The following OR13C9 variants were observed in gnomAD, a reference collection of about 807,000 sequenced individuals.
The protein encoded by OR13C9 is olfactory receptor family 13 subfamily C member 9, also known as olfactory receptor 13C9.
For synonymous variants in OR13C9, 133 were observed against 134.9 expected, an observed-to-expected ratio of 0.99 and a Z score of 0.10; for missense variants, 368 against 382.2, an observed-to-expected ratio of 0.96 and a Z score of 0.31.
At position 104,617,338 on chromosome 9, in the gene OR13C9, G is replaced by A; in HGVS notation, c.867C>T (p.Pro289=). ...GACTGTAGATTAAAGGATTCATCAT[G>A]GGAGTCATCACCCCATAGAACATGG... ...IISMFYGVMT[P]MMNPLIYSLR... Residue 289 remains proline (P), a synonymous_variant, in exon 1 of 1, where the codon CCC becomes CCT. Coordinates refer to ENST00000259362, the MANE Select transcript of OR13C9 (RefSeq NM_001001956.1). The A allele has an allele frequency of 6.2e-7, 1 of 1,613,772 alleles. No individual in the cohort carries two copies.
chr9:104,617,518 G>T lies in OR13C9; in HGVS notation c.687C>A (p.His229Gln). The change falls in exon 1 of 1, where the codon CAC (histidine) becomes CAA (glutamine). Residue 229 changes from histidine to glutamine, a missense_variant. Coordinates refer to ENST00000259362, the MANE Select transcript of OR13C9 (RefSeq NM_001001956.1). Reference protein sequence around the residue: ...SLIISSILKIHSSEGRSKAFS... With the variant: ...SLIISSILKIQSSEGRSKAFS... ...AAGCTTTGCTTCTCCCCTCAGAGGA[G>T]TGAATCTTGAGGATGCTGGAAATGA... The T allele has an allele frequency of 6.2e-7, 1 of 1,613,812 alleles. No homozygotes were observed. Among genetic ancestry groups the T allele is most frequent in the Non-Finnish European group, 8.5e-7 (1 of 1,179,886 alleles).
At position 104,617,377 on chromosome 9, in the gene OR13C9, G is replaced by T. The variant is rs200227242; in HGVS notation, c.828C>A (p.Thr276=). 1.2e-6 allele frequency: 2 copies of T among 1,613,748 alleles called. No individual in the cohort carries two copies. Among genetic ancestry groups the T allele is most frequent in the East Asian group, 2.2e-5 (1 of 44,880 alleles). ...CATAGAACATGGATATAATTTTGTC[G>T]GTAGCATCCAAGTCATCTGAATTAA... ...ETLNSDDLDA[T]DKIISMFYGV... is the part of the protein sequence containing the mutation. The change falls in exon 1 of 1, where the codon ACC becomes ACA. Residue 276 remains threonine, a synonymous_variant. Transcript: ENST00000259362.
Position 104,617,640 on chromosome 9 carries a change from A to G in OR13C9, c.565T>C (p.Cys189Arg). ...AACTCATTGCCTGAGATGTCAGCAC[A>G]GGCCAACTTCATGACAGCTAGAATT... is the stretch of plus-strand genomic sequence containing the variant. ...CEILAVMKLACADISGNEFLM... is the reference protein window; with the variant it reads ...CEILAVMKLARADISGNEFLM... The change falls in exon 1 of 1, where the codon TGT becomes CGT. Residue 189 changes from cysteine (C) to arginine (R), a missense_variant. By Grantham distance (180) the Cys-to-Arg change is radical. Coordinates refer to ENST00000259362, the MANE Select transcript of OR13C9 (RefSeq NM_001001956.1). 6.2e-7 allele frequency: 1 copy of G among 1,613,998 alleles called. No homozygotes were observed. Among genetic ancestry groups the G allele is most frequent in the Non-Finnish European group, 8.5e-7 (1 of 1,179,984 alleles).
Position 104,617,387 on chromosome 9 carries a change from A to G in OR13C9, c.818T>C (p.Leu273Ser). Residue 273 changes from leucine to serine, a missense_variant, in exon 1 of 1, where the codon TTG (leucine) becomes TCG (serine). Coordinates refer to ENST00000259362, the MANE Select transcript of OR13C9 (RefSeq NM_001001956.1). ...GGATATAATTTTGTCGGTAGCATCCAAGTCATCTGAATTAAGTGTCTCTTT... is the reference window on the plus strand; with the variant it reads ...GGATATAATTTTGTCGGTAGCATCCGAGTCATCTGAATTAAGTGTCTCTTT... ...KSKETLNSDD[L>S]DATDKIISMF... The G allele has an allele frequency of 6.2e-7, 1 of 1,613,876 alleles. No homozygotes were observed. The highest frequency in any genetic ancestry group is 8.5e-7 in the Non-Finnish European group (1 of 1,179,904).
In OR13C9 at chr9:104,617,476, G is replaced by A; in HGVS notation, c.729C>T (p.Ala243=). The change falls in exon 1 of 1, where the codon GCC becomes GCT. Residue 243 remains alanine (A), a synonymous_variant. Coordinates refer to ENST00000259362, the MANE Select transcript of OR13C9 (RefSeq NM_001001956.1). The stretch of plus-strand genomic sequence containing the variant: ...AGAATATTATGACCACAGTCAGATG[G>A]GCTGAGCAGGTAGAGAAAGCTTTGC... ...GRSKAFSTCS[A]HLTVVIIFYG... The A allele has an allele frequency of 6.2e-7, 1 of 1,613,850 alleles. No homozygotes were observed.
Position 104,617,683 on chromosome 9 carries a change from G to A in OR13C9, c.522C>T (p.Ile174=). 6.2e-7 allele frequency: 1 copy of A among 1,613,948 alleles called. No individual in the cohort carries two copies. The highest frequency in any genetic ancestry group is 1.1e-5 in the South Asian group (1 of 91,082). The change falls in exon 1 of 1, where the codon ATC becomes ATT. Residue 174 remains isoleucine, a synonymous_variant. Transcript: ENST00000259362. ...CTAGAATTTCACATGAGAAATGATT[G>A]ATGACATTCTTCCTGCAGAAAGGCA... The part of the protein sequence containing the change: ...VQLPFCRKNV[I]NHFSCEILAV...
rs148060615 is a variant in OR13C9, at chr9:104,617,666, T to A, written c.539A>T (p.Glu180Val). The change falls in exon 1 of 1, where the codon GAA becomes GTA. Residue 180 changes from glutamate to valine, a missense_variant. By Grantham distance (121) the Glu-to-Val change is moderately radical. Transcript: ENST00000259362. ...RKNVINHFSC[E>V]ILAVMKLACA... Reference sequence around the variant, plus strand: ...GGCCAACTTCATGACAGCTAGAATTTCACATGAGAAATGATTGATGACATT... The same window carrying A: ...GGCCAACTTCATGACAGCTAGAATTACACATGAGAAATGATTGATGACATT... 4.0e-5 allele frequency: 65 copies of A among 1,613,758 alleles called. No homozygotes were observed. The highest frequency in any genetic ancestry group is 1.6e-4 in the Middle Eastern group (1 of 6,082).
At position 104,617,794 on chromosome 9, in the gene OR13C9, G is replaced by T; in HGVS notation, c.411C>A (p.Ser137Arg). Residue 137 changes from serine to arginine, a missense_variant, in exon 1 of 1, where the codon AGC becomes AGA. Physicochemically the swap from Ser to Arg is moderately radical, Grantham distance 110 (BLOSUM62 -1). Transcript: ENST00000259362. ...CAGCCATGGGTACATAGGCATTCTT[G>T]CTCATGATGATGGGATATCTCAGAG... ...CNPLRYPIIM[S>R]KNAYVPMAVG... The T allele has an allele frequency of 6.2e-7, 1 of 1,613,936 alleles. No individual in the cohort carries two copies. The highest frequency in any genetic ancestry group is 1.3e-5 in the African/African-American group (1 of 74,910).
At position 104,617,272 on chromosome 9, in the gene OR13C9, C is replaced by T. The variant is rs761736284; in HGVS notation, c.933G>A (p.Pro311=). The T allele has an allele frequency of 5.6e-5, 91 of 1,611,336 alleles. No individual in the cohort carries two copies. Among genetic ancestry groups the T allele is most frequent in the Non-Finnish European group, 7.0e-5 (83 of 1,178,610 alleles). Residue 311 remains proline, a synonymous_variant, in exon 1 of 1, where the codon CCG becomes CCA. Coordinates refer to ENST00000259362, the MANE Select transcript of OR13C9 (RefSeq NM_001001956.1). ...KDVKEAVKHL[P]NRRFFSK is the part of the protein sequence containing the mutation. Reference sequence around the variant, plus strand: ...TTCACTTGCTAAAGAACCTTCTGTTCGGTAGGTGTTTTACTGCCTCTTTCA... The same window carrying T: ...TTCACTTGCTAAAGAACCTTCTGTTTGGTAGGTGTTTTACTGCCTCTTTCA...
chr9:104,617,659 T>C lies in OR13C9; in HGVS notation c.546A>G (p.Leu182=). 1 of 1,613,960 alleles carries C rather than the reference T, an allele frequency of 6.2e-7. No homozygotes were observed. The highest frequency in any genetic ancestry group is 8.5e-7 in the Non-Finnish European group (1 of 1,179,966). ...NVINHFSCEI[L]AVMKLACADI... is the part of the protein sequence containing the mutation. ...CAGCACAGGCCAACTTCATGACAGC[T>C]AGAATTTCACATGAGAAATGATTGA... The change falls in exon 1 of 1, where the codon CTA becomes CTG. Residue 182 remains leucine (L), a synonymous_variant. Coordinates refer to ENST00000259362, the MANE Select transcript of OR13C9 (RefSeq NM_001001956.1).
Position 104,617,936 on chromosome 9 carries a change from T to A in OR13C9, c.269A>T (p.Lys90Met). 6.2e-7 allele frequency: 1 copy of A among 1,614,012 alleles called. No homozygotes were observed. ...STLVSFLSER[K>M]TISFSGCAVQ... ...TGCACAGCCAGAAAAGGAAATGGTC[T>A]TTCTTTCTGAAAGGAAGCTCACTAG... Residue 90 changes from lysine to methionine, a missense_variant, in exon 1 of 1, where the codon AAG (lysine) becomes ATG (methionine). By Grantham distance (95) the Lys-to-Met change is moderately conservative. Transcript: ENST00000259362.
chr9:104,617,524 C>A lies in OR13C9; in HGVS notation c.681G>T (p.Lys227Asn). ...TGCTTCTCCCCTCAGAGGAGTGAAT[C>A]TTGAGGATGCTGGAAATGATTAATG... is the stretch of plus-strand genomic sequence containing the variant. ...SYSLIISSIL[K>N]IHSSEGRSKA... Residue 227 changes from lysine (K) to asparagine (N), a missense_variant, in exon 1 of 1, where the codon AAG (lysine) becomes AAT (asparagine). Physicochemically the swap from Lys to Asn is moderately conservative, Grantham distance 94. Transcript: ENST00000259362. The A allele has an allele frequency of 6.2e-7, 1 of 1,613,700 alleles. No homozygotes were observed. Among genetic ancestry groups the A allele is most frequent in the Non-Finnish European group, 8.5e-7 (1 of 1,179,874 alleles).
rs1233296931 is a variant in OR13C9 at position 104,617,960 on chromosome 9, A to T, written c.245T>A (p.Leu82Gln). The change falls in exon 1 of 1, where the codon CTA (leucine) becomes CAA (glutamine). Residue 82 changes from leucine (L) to glutamine (Q), a missense_variant. Leu to Gln is a moderately radical substitution (Grantham distance 113). Transcript: ENST00000259362. The stretch of plus-strand genomic sequence containing the variant: ...CTTTCTTTCTGAAAGGAAGCTCACT[A>T]GTGTGGAGGGAATAGAGGTGGTGGT... ...CYTTTSIPST[L>Q]VSFLSERKTI... 6.2e-7 allele frequency: 1 copy of T among 1,614,038 alleles called. No individual in the cohort carries two copies.
rs751214327 is a variant in OR13C9 at position 104,617,533 on chromosome 9, G to T, written c.672C>A (p.Ser224Arg). 6.2e-7 allele frequency: 1 copy of T among 1,613,678 alleles called. No individual in the cohort carries two copies. The highest frequency in any genetic ancestry group is 1.7e-5 in the Admixed American group (1 of 59,888). ...CCTCAGAGGAGTGAATCTTGAGGAT[G>T]CTGGAAATGATTAATGAGTAAGAGA... Reference protein sequence around the residue: ...IVISYSLIISSILKIHSSEGR... With the variant: ...IVISYSLIISRILKIHSSEGR... The change falls in exon 1 of 1, where the codon AGC (serine) becomes AGA (arginine). Residue 224 changes from serine (S) to arginine (R), a missense_variant. Coordinates refer to ENST00000259362, the MANE Select transcript of OR13C9 (RefSeq NM_001001956.1).
rs1440070950 is a variant in OR13C9 at position 104,618,178 on chromosome 9, C to A, written c.27G>T (p.Leu9=). The A allele has an allele frequency of 6.2e-7, 1 of 1,613,122 alleles. No individual in the cohort carries two copies. Among genetic ancestry groups the A allele is most frequent in the African/African-American group, 1.3e-5 (1 of 74,830 alleles). MEWENQTI[L]VEFFLKGHSV... is the part of the protein sequence containing the mutation. ...AATGTCCCTTCAGAAAAAATTCCAC[C>A]AGAATGGTTTGGTTTTCCCATTCCA... The change falls in exon 1 of 1, where the codon CTG becomes CTT. Residue 9 remains leucine (L), a synonymous_variant. Coordinates refer to ENST00000259362, the MANE Select transcript of OR13C9 (RefSeq NM_001001956.1).
Position 104,617,320 on chromosome 9 carries a change from G to C in OR13C9, c.885C>G (p.Ile295Met). 6.2e-7 allele frequency: 1 copy of C among 1,613,690 alleles called. No individual in the cohort carries two copies. Among genetic ancestry groups the C allele is most frequent in the Non-Finnish European group, 8.5e-7 (1 of 1,179,796 alleles). ...TCACATCCTTGTTTCTAAGACTGTAGATTAAAGGATTCATCATGGGAGTCA... is the reference window on the plus strand; with the variant it reads ...TCACATCCTTGTTTCTAAGACTGTACATTAAAGGATTCATCATGGGAGTCA... The part of the protein sequence containing the change: ...GVMTPMMNPL[I>M]YSLRNKDVKE... Residue 295 changes from isoleucine (I) to methionine (M), a missense_variant, in exon 1 of 1, where the codon ATC becomes ATG. By Grantham distance (10) the Ile-to-Met change is conservative. Transcript: ENST00000259362.
In OR13C9 at chr9:104,617,409, C is replaced by T; in HGVS notation, c.796G>A (p.Glu266Lys). Residue 266 changes from glutamate to lysine, a missense_variant, in exon 1 of 1, where the codon GAG becomes AAG. Transcript: ENST00000259362. ...LFMYMKPKSK[E>K]TLNSDDLDAT... ...TCCAAGTCATCTGAATTAAGTGTCT[C>T]TTTAGACTTGGGCTTCATATACATG... 6.2e-7 allele frequency: 1 copy of T among 1,613,824 alleles called. No homozygotes were observed. The highest frequency in any genetic ancestry group is 8.5e-7 in the Non-Finnish European group (1 of 1,179,910).
chr9:104,617,751 C>T lies in OR13C9; in HGVS notation c.454G>A (p.Gly152Arg). The change falls in exon 1 of 1, where the codon GGG (glycine) becomes AGG (arginine). Residue 152 changes from glycine (G) to arginine (R), a missense_variant. Transcript: ENST00000259362. ...GTTTGTACTGCAGAGTTGACAATCC[C>T]TGCAAACCAGGACCCAACAGCCATG... Reference protein sequence around the residue: ...VPMAVGSWFAGIVNSAVQTTF... With the variant: ...VPMAVGSWFARIVNSAVQTTF... The T allele has an allele frequency of 6.2e-7, 1 of 1,613,934 alleles. No homozygotes were observed. Among genetic ancestry groups the T allele is most frequent in the South Asian group, 1.1e-5 (1 of 91,078 alleles).
rs1354699006 is a variant in OR13C9, at chr9:104,617,337, T to C, written c.868A>G (p.Met290Val). The change falls in exon 1 of 1, where the codon ATG (methionine) becomes GTG (valine). Residue 290 changes from methionine (M) to valine (V), a missense_variant. Coordinates refer to ENST00000259362, the MANE Select transcript of OR13C9 (RefSeq NM_001001956.1). ...AGACTGTAGATTAAAGGATTCATCA[T>C]GGGAGTCATCACCCCATAGAACATG... ...ISMFYGVMTPMMNPLIYSLRN... is the reference protein window; with the variant it reads ...ISMFYGVMTPVMNPLIYSLRN... 5 of 1,613,728 alleles carry C rather than the reference T, an allele frequency of 3.1e-6. No homozygotes were observed. Among genetic ancestry groups the C allele is most frequent in the Non-Finnish European group, 4.2e-6 (5 of 1,179,872 alleles).
Sources: allele counts gnomAD v4.1 joint callset, GRCh38; gene constraint gnomAD v4.1.1; transcripts MANE v1.5; gene names NCBI Gene and HGNC (gene_info 2026-07-23, HGNC 2026-07-21).